Variants in STS observed in about 807,000 individuals in gnomAD.
STS encodes steryl-sulfatase.
Under a neutral mutation model 26.8 loss-of-function variants are expected in STS, and 7 were observed. That is an observed-to-expected ratio of 0.26 (90% CI 0.15 to 0.49). The LOEUF (loss-of-function observed/expected upper bound fraction) is 0.49, where lower values mean the gene tolerates loss of function less well. Among genes scored for constraint, STS ranks in the 20% least tolerant of loss-of-function variants. The probability of loss-of-function intolerance (pLI) is 0.98; values close to 1 mark genes in which losing one functional copy is unlikely to be tolerated. For synonymous variants in STS, 199 were observed against 189.4 expected (o/e 1.05, Z -0.42); for missense variants, 434 against 465.6 (o/e 0.93, Z 0.63).
rs148057227 is a variant in STS at position 7,324,185 on chromosome X, G to A, written c.1082-1154G>A. ...AAAATCGGGGGGTGGGGGGTGAGGA[G>A]GCTTCAGGTCATAGGTGGACTCAAA... On this transcript the variant is annotated intron_variant, in intron 8 of 10. Coordinates refer to ENST00000674429, the MANE Select transcript of STS (RefSeq NM_001320752.2). Among the ~76,000 whole-genome samples, 8 of 110,291 alleles carry A rather than the reference G, an allele frequency of 7.3e-5. No individual in the cohort carries two copies. The South Asian group carries it at 1.2e-3, about 16-fold the overall frequency.
chrX:7,205,307 TCAC>T (rs1934188803), intron 2 of STS, among the ~76,000 whole-genome samples: 1 of 112,127 alleles, frequency 8.9e-6, no homozygotes, highest in Non-Finnish European at 1.9e-5. Flanking sequence ...TTATTATTCA[TCAC>T]GTTTTGTTGT....
chrX:7,312,576 A>G, intron 8 of STS, among the ~76,000 whole-genome samples: 1 of 111,221 alleles, frequency 9.0e-6, no homozygotes, highest in Non-Finnish European at 1.9e-5. Context: ...AGGTAATTGA[A>G]TCATGGGGGC....
At chrX:7,308,966 G>T (rs538541330) in intron 8 of STS, among the ~76,000 whole-genome samples, 25 of 111,597 alleles carry the variant, frequency 2.2e-4, no homozygotes, top group East Asian at 1.4e-3. Context: ...AAACAATGAT[G>T]ACTTCTACTG....
At position 7,264,513 on chromosome X, in the gene STS, A is replaced by G. The variant is rs1274658291; in HGVS notation, c.806+4741A>G. ...CTAGCCTAGTGTATGGTGGCGTATA[A>G]TGTAGGATCACTATGACTTCCTGCA... On this transcript the variant is annotated intron_variant, in intron 6 of 10. Transcript: ENST00000674429. Among the ~76,000 whole-genome samples the G allele has an allele frequency of 3.6e-5, 4 of 111,587 alleles. No homozygotes were observed. The East Asian group carries it at 1.1e-3, about 31-fold the overall frequency.
At chrX:7,277,166 T>C (rs1361427010) in intron 7 of STS, among the ~76,000 whole-genome samples, 1 of 112,140 alleles carries the variant, frequency 8.9e-6, no homozygotes, top group African/African-American at 3.2e-5. Flanking sequence ...TACTTTTACA[T>C]TGCTGGGCTC....
At position 7,154,346 on chromosome X, in the gene STS, G is replaced by A. The variant is rs1243285366; in HGVS notation, c.-134+6263G>A. Among the ~76,000 whole-genome samples, 5 of 112,427 alleles carry A rather than the reference G, an allele frequency of 4.4e-5. No individual in the cohort carries two copies. The South Asian group carries it at 1.5e-3, about 33-fold the overall frequency. On this transcript the variant is annotated intron_variant, in intron 1 of 10. Transcript: ENST00000674429. ...TGCTTAGTGCACTGGTCACTTCTCC[G>A]AAGTGTTTATAAAGGCCACATGCTG...
chrX:7,354,106 C>G lies in STS; in HGVS notation c.*3845C>G, dbSNP rs370901968. ...GTTTAGCAAGAACACCTAACCCCCC[C>G]ATATCTGTTCAACCTCAGTATCTGA... On this transcript the variant is annotated 3_prime_UTR_variant, in exon 11 of 11. Coordinates refer to ENST00000674429, the MANE Select transcript of STS (RefSeq NM_001320752.2). 2.7e-5 allele frequency: 3 copies of G among 111,447 alleles called. No homozygotes were observed. The highest frequency in any genetic ancestry group is 5.7e-5 in the Non-Finnish European group (3 of 53,093). 9.2% of individuals were successfully genotyped at this position (111,447 alleles called of 1,213,427 possible).
chrX:7,352,047 C>T lies in STS; in HGVS notation c.*1786C>T, dbSNP rs1409160129. 1 of 110,775 alleles carries T rather than the reference C, an allele frequency of 9.0e-6. No homozygotes were observed. The highest frequency in any genetic ancestry group is 1.9e-5 in the Non-Finnish European group (1 of 53,040). 9.1% of individuals were successfully genotyped at this position (110,775 alleles called of 1,213,427 possible). Reference sequence around the variant, plus strand: ...ATTCTTCCTTTTAACTTGGATTTCTCGTTCCAGAAATTGTGGGATAATCTG... The same window carrying T: ...ATTCTTCCTTTTAACTTGGATTTCTTGTTCCAGAAATTGTGGGATAATCTG... On this transcript the variant is annotated 3_prime_UTR_variant, in exon 11 of 11. Transcript: ENST00000674429.
At chrX:7,239,331 AC>A (rs2147067348) in intron 2 of STS, among the ~76,000 whole-genome samples, 1 of 111,896 alleles carries the variant, frequency 8.9e-6, no homozygotes, top group East Asian at 2.8e-4. Flanking sequence ...CAGTGTACAT[AC>A]CTTGGATTGA....
chrX:7,200,313 A>G (rs1287578275), intron 2 of STS, among the ~76,000 whole-genome samples: 2 of 111,606 alleles, frequency 1.8e-5, no homozygotes, highest in African/African-American at 6.5e-5. Flanking sequence ...TTCCTTTAAG[A>G]AAATTTTTGT....
intron 1 of STS, among the ~76,000 whole-genome samples, chrX:7,172,055 GC>G (rs1933478781): frequency 8.9e-6 from 1 of 111,742 alleles, no homozygotes; most frequent in South Asian, 3.8e-4. Flanking sequence ...GATTCTTCAA[GC>G]CCACTGCTGT....
chrX:7,203,494 G>A (rs1284032015), intron 2 of STS, among the ~76,000 whole-genome samples: 3 of 111,488 alleles, frequency 2.7e-5, no homozygotes, highest in African/African-American at 6.5e-5. Flanking sequence ...ATTCCCACTA[G>A]TAAAAACTAT....
intron 6 of STS, among the ~76,000 whole-genome samples, chrX:7,272,573 T>C (rs186926656): frequency 1.2e-3 from 137 of 112,137 alleles, no homozygotes; most frequent in Non-Finnish European, 2.3e-3. Flanking sequence ...CTAAACCATA[T>C]GCAACATAAA....
chrX:7,268,839 C>T (rs987552754), intron 6 of STS, among the ~76,000 whole-genome samples: 37 of 110,278 alleles, frequency 3.4e-4, no homozygotes, highest in African/African-American at 9.9e-4. Context: ...CAGCAAGACC[C>T]TGTGTCTACA....
chrX:7,162,779 G>A (rs1261789046), intron 1 of STS, among the ~76,000 whole-genome samples: 2 of 107,032 alleles, frequency 1.9e-5, no homozygotes, highest in African/African-American at 6.8e-5. Context: ...GGGCGCAGTG[G>A]CTCACGCCTG....
intron 10 of STS, among the ~76,000 whole-genome samples, chrX:7,344,076 T>G (rs7064662): frequency 0.033 from 3,675 of 112,310 alleles, 80 homozygotes; most frequent in African/African-American, 0.081. Context: ...TGGCTCATTT[T>G]ATCAAAAATA....
intron 10 of STS, among the ~76,000 whole-genome samples, chrX:7,343,629 G>A (rs1186011666): frequency 2.7e-5 from 3 of 111,596 alleles, no homozygotes; most frequent in Non-Finnish European, 5.6e-5. Context: ...GCAGAGCTCG[G>A]GGTTGAACCT....
At chrX:7,226,851 T>C in intron 2 of STS, among the ~76,000 whole-genome samples, 1 of 112,215 alleles carries the variant, frequency 8.9e-6, no homozygotes, top group Middle Eastern at 4.6e-3. Flanking sequence ...GCTTTGTTCG[T>C]GCTACTGCAC....
intron 7 of STS, among the ~76,000 whole-genome samples, chrX:7,289,317 G>A (rs1358940364): frequency 9.0e-6 from 1 of 111,646 alleles, no homozygotes; most frequent in African/African-American, 3.3e-5. Context: ...CAGGGGCAAG[G>A]TTAGGGCTGG....
Sources: allele counts gnomAD v4.1 joint callset (sites outside exome capture counted in the v4.1 genomes callset), GRCh38; gene constraint gnomAD v4.1.1; transcripts MANE v1.5; gene names NCBI Gene and HGNC (gene_info 2026-07-23, HGNC 2026-07-21).